NETO2: variants seen among roughly 807,000 people sequenced by gnomAD.
The protein encoded by NETO2 is neuropilin and tolloid like 2.
Under a neutral mutation model 62.5 loss-of-function variants are expected in NETO2, and 28 were observed. The observed-to-expected ratio is 0.45, with a 90% CI of 0.33 to 0.61. The LOEUF is 0.61. Among genes scored for constraint, NETO2 ranks in the 20% least tolerant of loss-of-function variants. NETO2 has a pLI of 0.02. For synonymous variants in NETO2, 214 were observed against 219.1 expected (o/e 0.98, Z 0.21); for missense variants, 548 against 643.2 (o/e 0.85, Z 1.60).
intron 2 of NETO2, among the ~76,000 whole-genome samples, chr16:47,130,147 T>C (rs1407218018): frequency 1.3e-5 from 2 of 152,172 alleles, no homozygotes; most frequent in African/African-American, 4.8e-5. Context: ...GGGAGACGAG[T>C]GAATGTTAGC....
intron 4 of NETO2, among the ~76,000 whole-genome samples, chr16:47,124,982 A>G (rs1964126550): frequency 6.6e-6 from 1 of 152,040 alleles, no homozygotes; most frequent in South Asian, 2.1e-4. Flanking sequence ...TAACATGAAT[A>G]GAGGAAAAAG....
At chr16:47,091,812 T>C (rs914808069) in intron 7 of NETO2, among the ~76,000 whole-genome samples, 1 of 152,144 alleles carries the variant, frequency 6.6e-6, no homozygotes, top group Non-Finnish European at 1.5e-5. Context: ...TGGGCTTCTC[T>C]GGGCAGAAAC....
At chr16:47,102,638 G>C (rs189206374) in intron 7 of NETO2, among the ~76,000 whole-genome samples, 10 of 149,414 alleles carry the variant, frequency 6.7e-5, no homozygotes, top group Non-Finnish European at 1.2e-4. Flanking sequence ...TGAAGGATAT[G>C]AACATATGCT....
intron 6 of NETO2, among the ~76,000 whole-genome samples, chr16:47,121,713 G>A (rs1596735374): frequency 6.6e-6 from 1 of 152,254 alleles, no homozygotes; most frequent in Admixed American, 6.5e-5. Flanking sequence ...TCTCAGTATG[G>A]GAATTAAAAG....
At chr16:47,124,299 A>G (rs1268242151) in intron 4 of NETO2, among the ~76,000 whole-genome samples, 1 of 152,202 alleles carries the variant, frequency 6.6e-6, no homozygotes, top group East Asian at 1.9e-4. Flanking sequence ...ACTGTCTGGC[A>G]GATTAATCAG....
At chr16:47,136,888 G>A (rs1964370366) in intron 1 of NETO2, among the ~76,000 whole-genome samples, 1 of 151,856 alleles carries the variant, frequency 6.6e-6, no homozygotes, top group Non-Finnish European at 1.5e-5. Context: ...ATTTTGAGGT[G>A]AAGAGCACCT....
intron 7 of NETO2, among the ~76,000 whole-genome samples, chr16:47,089,196 C>T (rs932159953): frequency 3.7e-4 from 56 of 152,174 alleles, no homozygotes; most frequent in African/African-American, 1.3e-3. Context: ...TACTCAGCGG[C>T]TGCAGTTCAA....
intron 4 of NETO2, among the ~76,000 whole-genome samples, chr16:47,123,204 T>C (rs1321026244): frequency 1.3e-5 from 2 of 152,228 alleles, no homozygotes; most frequent in African/African-American, 4.8e-5. Flanking sequence ...TACCAGAATA[T>C]TATTTGGCCT....
At chr16:47,091,857 T>C (rs996751656) in intron 7 of NETO2, among the ~76,000 whole-genome samples, 1 of 152,060 alleles carries the variant, frequency 6.6e-6, no homozygotes, top group African/African-American at 2.4e-5. Context: ...TATTTTTTTT[T>C]TGGAGACAGA....
chr16:47,086,552 T>C (rs1317585649), intron 7 of NETO2, among the ~76,000 whole-genome samples: 3 of 152,220 alleles, frequency 2.0e-5, no homozygotes, highest in Non-Finnish European at 1.5e-5. Flanking sequence ...AAGGTCACTT[T>C]TAATGTAATG....
At chr16:47,102,470 G>A (rs943028610) in intron 7 of NETO2, among the ~76,000 whole-genome samples, 1 of 151,754 alleles carries the variant, frequency 6.6e-6, no homozygotes, top group African/African-American at 2.4e-5. Context: ...CTTCTGCACA[G>A]CAAAAGAAAC....
intron 7 of NETO2, among the ~76,000 whole-genome samples, chr16:47,103,225 G>C (rs1400745377): frequency 6.6e-6 from 1 of 152,140 alleles, no homozygotes; most frequent in African/African-American, 2.4e-5. Flanking sequence ...TCACTCATAA[G>C]TGGGAGCTGA....
chr16:47,094,263 A>ATTTT (rs35543379), intron 7 of NETO2, among the ~76,000 whole-genome samples: 12 of 137,748 alleles, frequency 8.7e-5, no homozygotes, highest in African/African-American at 2.7e-4. Context: ...TATCACTTGG[A>ATTTT]TTTTTTTTTT....
intron 4 of NETO2, 26 bp from the exon 5 acceptor site, chr16:47,122,938 AT>A (rs1167253307): frequency 5.6e-6 from 9 of 1,604,710 alleles, no homozygotes; most frequent in Non-Finnish European, 7.7e-6. Flanking sequence ...GAAGAAAGTC[AT>A]TGGTACTGAG....
intron 1 of NETO2, among the ~76,000 whole-genome samples, chr16:47,141,923 G>A (rs1261080099): frequency 6.6e-6 from 1 of 152,172 alleles, no homozygotes; most frequent in African/African-American, 2.4e-5. Flanking sequence ...CTTCACCATT[G>A]GAGGAGGCGC....
chr16:47,128,011 G>C (rs949808999), intron 4 of NETO2, among the ~76,000 whole-genome samples: 11 of 152,032 alleles, frequency 7.2e-5, no homozygotes, highest in Middle Eastern at 3.2e-3. Context: ...ACAATTTGTT[G>C]AATTATTTTT....
At position 47,130,129 on chromosome 16, in the gene NETO2, C is replaced by G. The variant is rs563387457; in HGVS notation, c.92-765G>C. 2.0e-5 allele frequency among the ~76,000 whole-genome samples: 3 copies of G among 152,280 alleles called. 1 individual carries two copies. The highest frequency in any genetic ancestry group is 4.8e-5 in the African/African-American group (2 of 41,560). ...AGGGGACACCAGGAACAGTTGAGAA[C>G]GAAAACAGGGAGACGAGTGAATGTT... On this transcript the variant is annotated intron_variant, in intron 2 of 8. Coordinates refer to ENST00000562435, the MANE Select transcript of NETO2 (RefSeq NM_018092.5).
intron 1 of NETO2, among the ~76,000 whole-genome samples, chr16:47,138,339 G>T (rs1022033363): frequency 1.3e-5 from 2 of 152,218 alleles, no homozygotes; most frequent in African/African-American, 4.8e-5. Context: ...GGCAGAGGTT[G>T]TGGTGCGCCA....
intron 6 of NETO2, among the ~76,000 whole-genome samples, chr16:47,118,733 TTG>T (rs1281399051): frequency 6.6e-6 from 1 of 152,246 alleles, no homozygotes; most frequent in Non-Finnish European, 1.5e-5. Context: ...CTTATTTTAT[TTG>T]TCTCTCCTAA....
Sources: gnomAD v4.1 joint callset for allele counts (sites outside exome capture counted in the v4.1 genomes callset) on GRCh38, gnomAD v4.1.1 for gene constraint, MANE v1.5 for transcripts, NCBI Gene and HGNC (gene_info 2026-07-23, HGNC 2026-07-21) for gene names.